Variants in TBC1D12 observed in about 807,000 individuals in gnomAD.
TBC1D12 encodes the protein TBC1 domain family member 12.
Under a neutral mutation model 86.7 loss-of-function variants are expected in TBC1D12, and 56 were observed. The ratio of observed to expected loss-of-function variants is 0.65; its 90% CI spans 0.52 to 0.81. TBC1D12 has a LOEUF of 0.81. Among genes scored for constraint, TBC1D12 ranks in the 30% least tolerant of loss-of-function variants. The pLI, the probability that TBC1D12 is intolerant of heterozygous loss-of-function variation, is 0.00. For synonymous variants in TBC1D12, 421 were observed against 411.7 expected (o/e 1.02, Z -0.27); for missense variants, 1,023 against 1,038.8 (o/e 0.98, Z 0.21).
Position 94,534,594 on chromosome 10 carries a change from G to A in TBC1D12, c.*1498G>A, listed in dbSNP as rs1346868427. 6.6e-6 allele frequency: 1 copy of A among 152,194 alleles called. No homozygotes were observed. Among genetic ancestry groups the A allele is most frequent in the Non-Finnish European group, 1.5e-5 (1 of 68,030 alleles). The allele number at this position is 152,194 out of a possible 1,614,324, so 9.4% of individuals were successfully genotyped here. A position where few individuals can be genotyped will look rare whatever the true frequency, so the allele number is the denominator to read the frequency against. On this transcript the variant is annotated 3_prime_UTR_variant, in exon 13 of 13. Transcript: ENST00000225235. ...CCAACTCTAGGAAGTAGTGCTGCAT[G>A]ATTGAATCATTATTTGATGAATTCT...
At chr10:94,439,177 T>C (rs1201405706) in intron 1 of TBC1D12, among the ~76,000 whole-genome samples, 1 of 152,242 alleles carries the variant, frequency 6.6e-6, no homozygotes, top group Admixed American at 6.5e-5. Context: ...TCTGTCATTT[T>C]GCATCCATGA....
intron 1 of TBC1D12, among the ~76,000 whole-genome samples, chr10:94,412,196 G>C (rs2054936963): frequency 6.6e-6 from 1 of 152,144 alleles, no homozygotes; most frequent in Admixed American, 6.5e-5. Context: ...TCATGGGATT[G>C]CCATGAGGGT....
Position 94,531,468 on chromosome 10 carries a change from G to T in TBC1D12, c.2259+8G>T. On this transcript the variant is annotated splice_region_variant and intron_variant, in intron 12 of 12. Transcript: ENST00000225235. Reference sequence around the variant, plus strand: ...ACCAAAAAATGGACTCAGGTAGAGTGACATTTTCTTATCTTTAATAGATGT... The same window carrying T: ...ACCAAAAAATGGACTCAGGTAGAGTTACATTTTCTTATCTTTAATAGATGT... 6.2e-7 allele frequency: 1 copy of T among 1,600,284 alleles called. No individual in the cohort carries two copies. Among genetic ancestry groups the T allele is most frequent in the South Asian group, 1.1e-5 (1 of 88,964 alleles).
At position 94,523,585 on chromosome 10, in the gene TBC1D12, G is replaced by A. The variant is rs563647668; in HGVS notation, c.2000+1132G>A. ...TTAAAAATGTAATAAATGTAAATAC[G>A]ATATACTTTCTCCAAGTTTCACATA... On this transcript the variant is annotated intron_variant, in intron 11 of 12. Coordinates refer to ENST00000225235, the MANE Select transcript of TBC1D12 (RefSeq NM_015188.2). Among the ~76,000 whole-genome samples the A allele has an allele frequency of 8.6e-5, 13 of 151,798 alleles. No individual in the cohort carries two copies. The East Asian group carries it at 1.4e-3, about 16-fold the overall frequency.
chr10:94,419,996 A>AT (rs1243425531), intron 1 of TBC1D12, among the ~76,000 whole-genome samples: 1 of 152,132 alleles, frequency 6.6e-6, no homozygotes, highest in African/African-American at 2.4e-5. Context: ...AATCTGTTAA[A>AT]TTTTTTTATC....
At chr10:94,531,607 A>G in intron 12 of TBC1D12, 147 bp downstream of exon 12, 1 of 626,604 alleles carries the variant, frequency 1.6e-6, no homozygotes, top group Non-Finnish European at 2.3e-6. Flanking sequence ...TTTAAATCAA[A>G]TTGCCCACTT....
chr10:94,466,420 A>G (rs1228868295), intron 2 of TBC1D12, among the ~76,000 whole-genome samples: 2 of 152,048 alleles, frequency 1.3e-5, no homozygotes, highest in Non-Finnish European at 2.9e-5. Context: ...GACAACATAT[A>G]TATATGTATA....
rs1589592241 is a variant in TBC1D12 at position 94,402,958 on chromosome 10, C to A, written c.345C>A (p.Ser115=). Residue 115 remains serine (S), a synonymous_variant, in exon 1 of 13, where the codon TCC becomes TCA. Coordinates refer to ENST00000225235, the MANE Select transcript of TBC1D12 (RefSeq NM_015188.2). ...RSDACLLGSG[S]KHRGAEVADG... ...ACGCCTGCCTGCTGGGCTCGGGCTCCAAACACCGCGGCGCGGAGGTGGCTG... is the reference window on the plus strand; with the variant it reads ...ACGCCTGCCTGCTGGGCTCGGGCTCAAAACACCGCGGCGCGGAGGTGGCTG... 1.3e-6 allele frequency: 2 copies of A among 1,572,872 alleles called. No homozygotes were observed. Among genetic ancestry groups the A allele is most frequent in the South Asian group, 2.3e-5 (2 of 86,448 alleles).
intron 2 of TBC1D12, among the ~76,000 whole-genome samples, chr10:94,460,343 A>G (rs190099103): frequency 3.9e-4 from 59 of 152,354 alleles, no homozygotes; most frequent in Non-Finnish European, 6.0e-4. Flanking sequence ...ATTGTCCCAG[A>G]AAGTTTTTTT....
intron 1 of TBC1D12, among the ~76,000 whole-genome samples, chr10:94,424,515 G>A (rs951408981): frequency 6.6e-6 from 1 of 152,176 alleles, no homozygotes; most frequent in African/African-American, 2.4e-5. Flanking sequence ...AACGAAAGAA[G>A]GAGCTAGAAT....
intron 3 of TBC1D12, among the ~76,000 whole-genome samples, chr10:94,481,118 A>G (rs2056072259): frequency 1.3e-5 from 2 of 151,422 alleles, no homozygotes; most frequent in African/African-American, 2.4e-5. Flanking sequence ...CGTGCTGTAA[A>G]CATGTCCTGT....
chr10:94,533,656 G>A lies in TBC1D12; in HGVS notation c.*560G>A, dbSNP rs573717324. The A allele has an allele frequency of 6.6e-6, 1 of 152,238 alleles. No homozygotes were observed. Among genetic ancestry groups the A allele is most frequent in the African/African-American group, 2.4e-5 (1 of 41,540 alleles). 9.4% of individuals were successfully genotyped at this position (152,238 alleles called of 1,614,324 possible). On this transcript the variant is annotated 3_prime_UTR_variant, in exon 13 of 13. Transcript: ENST00000225235. The stretch of plus-strand genomic sequence containing the variant: ...GAGTTACCTAGGAACTGGAAATGTT[G>A]GTGGGAGATTGTTTATTGTTTGTTT...
intron 9 of TBC1D12, among the ~76,000 whole-genome samples, chr10:94,511,857 C>G (rs1242160137): frequency 1.3e-5 from 2 of 152,182 alleles, no homozygotes; most frequent in African/African-American, 2.4e-5. Flanking sequence ...TCTGGGGGAG[C>G]TGCGGGAGAT....
At chr10:94,437,957 T>C (rs559118487) in intron 1 of TBC1D12, among the ~76,000 whole-genome samples, 1 of 150,732 alleles carries the variant, frequency 6.6e-6, no homozygotes, top group South Asian at 2.1e-4. Context: ...TCGTTCTTTG[T>C]CCATGGGTTT....
At chr10:94,456,727 T>C (rs2055632379) in intron 2 of TBC1D12, among the ~76,000 whole-genome samples, 2 of 152,338 alleles carry the variant, frequency 1.3e-5, no homozygotes, top group South Asian at 4.2e-4. Context: ...CTTACTGATT[T>C]TCTGACTGCT....
chr10:94,469,601 C>T (rs2055874385), intron 2 of TBC1D12, among the ~76,000 whole-genome samples: 1 of 151,918 alleles, frequency 6.6e-6, no homozygotes, highest in Non-Finnish European at 1.5e-5. Flanking sequence ...AAGCACATGC[C>T]ACCATGCCCA....
chr10:94,531,083 A>G, intron 11 of TBC1D12, 119 bp from the exon 12 acceptor site: 4 of 1,156,578 alleles, frequency 3.5e-6, no homozygotes, highest in Non-Finnish European at 4.9e-6. Flanking sequence ...TGGGAAAGCC[A>G]TATGTTATTT....
At chr10:94,463,833 A>G (rs1000323743) in intron 2 of TBC1D12, among the ~76,000 whole-genome samples, 1 of 152,154 alleles carries the variant, frequency 6.6e-6, no homozygotes, top group African/African-American at 2.4e-5. Context: ...TAAATTTTTT[A>G]TATTTTTTAA....
chr10:94,469,349 T>C (rs2055869178), intron 2 of TBC1D12, among the ~76,000 whole-genome samples: 1 of 152,182 alleles, frequency 6.6e-6, no homozygotes, highest in Admixed American at 6.5e-5. Context: ...CCAAAAGTTC[T>C]TCTTTGCCCA....
Sources: allele counts gnomAD v4.1 joint callset (sites outside exome capture counted in the v4.1 genomes callset), GRCh38; gene constraint gnomAD v4.1.1; transcripts MANE v1.5; gene names NCBI Gene and HGNC (gene_info 2026-07-23, HGNC 2026-07-21).